Variants in ANGPT4 observed in about 807,000 individuals in gnomAD.
The protein encoded by ANGPT4 is angiopoietin-4.
A neutral mutation model predicts 53.0 loss-of-function variants in ANGPT4; 50 were observed. The ratio of observed to expected loss-of-function variants is 0.94; its 90% confidence interval spans 0.75 to 1.20. The LOEUF is 1.20. ANGPT4 is among the 50% of genes most tolerant of loss of function. The pLI is 0.00. For missense variants in ANGPT4, 648 were observed against 637.1 expected (o/e 1.02, Z -0.18); for synonymous variants, 251 against 259.7 (o/e 0.97, Z 0.32).
At chr20:877,317 T>C (rs1319873052) in intron 7 of ANGPT4, among the ~76,000 whole-genome samples, 1 of 152,192 alleles carries the variant, frequency 6.6e-6, no homozygotes, top group Non-Finnish European at 1.5e-5. Context: ...CCTGTGAGTG[T>C]GAATCCTGGT....
chr20:876,963 C>T (rs1981194408), intron 7 of ANGPT4, among the ~76,000 whole-genome samples: 1 of 152,174 alleles, frequency 6.6e-6, no homozygotes, highest in African/African-American at 2.4e-5. Flanking sequence ...GGGAAGGTCA[C>T]TGGAGCCTGG....
intron 1 of ANGPT4, among the ~76,000 whole-genome samples, chr20:903,880 G>C (rs903001848): frequency 1.3e-5 from 2 of 152,292 alleles, no homozygotes; most frequent in Admixed American, 1.3e-4. Context: ...AAGACTTAGT[G>C]AGGGGGAGAC....
intron 1 of ANGPT4, among the ~76,000 whole-genome samples, chr20:901,173 A>G (rs988204074): frequency 2.6e-5 from 4 of 152,116 alleles, no homozygotes; most frequent in African/African-American, 7.2e-5. Context: ...TTTTGTCCCA[A>G]CACTTCACCA....
At chr20:899,606 C>T (rs906750067) in intron 1 of ANGPT4, among the ~76,000 whole-genome samples, 2 of 152,076 alleles carry the variant, frequency 1.3e-5, no homozygotes, top group African/African-American at 4.8e-5. Context: ...CTGCCCAGTA[C>T]CCTTATTAGG....
In ANGPT4 at chr20:911,794, G is replaced by C. The variant is rs1290080303; in HGVS notation, c.309+4112C>G. On this transcript the variant is annotated intron_variant, in intron 1 of 8. Transcript: ENST00000381922. This position sits in a 1 kb window ranked among gnomAD's most constrained non-coding sequence, Gnocchi z 4.9. ...TGCACCATTGCACCCCAGTGTGGTTGAGAGAGTCAGACCTTGTCTTTAGGA... is the reference window on the plus strand; with the variant it reads ...TGCACCATTGCACCCCAGTGTGGTTCAGAGAGTCAGACCTTGTCTTTAGGA... Among the ~76,000 whole-genome samples, 1 of 152,060 alleles carries C rather than the reference G, an allele frequency of 6.6e-6. No homozygotes were observed. Among genetic ancestry groups the C allele is most frequent in the Non-Finnish European group, 1.5e-5 (1 of 68,008 alleles).
intron 1 of ANGPT4, among the ~76,000 whole-genome samples, chr20:895,511 GC>G (rs1600056381): frequency 6.6e-6 from 1 of 152,122 alleles, no homozygotes; most frequent in East Asian, 1.9e-4. Context: ...GAGGGCATTT[GC>G]AAAGGGTCTT....
At chr20:900,060 A>G (rs541958094) in intron 1 of ANGPT4, among the ~76,000 whole-genome samples, 5 of 152,322 alleles carry the variant, frequency 3.3e-5, no homozygotes, top group African/African-American at 7.2e-5. Flanking sequence ...TCACAGGCCC[A>G]TTCCATTCTA....
At chr20:888,560 C>G (rs1600051693) in intron 2 of ANGPT4, 121 bp from the exon 3 acceptor site, 1 of 1,453,206 alleles carries the variant, frequency 6.9e-7, no homozygotes, top group South Asian at 1.4e-5. Context: ...CTCTCCCAGT[C>G]GTAGTTCCTG....
chr20:874,154 G>C, intron 8 of ANGPT4, 130 bp downstream of exon 8: 1 of 1,385,960 alleles, frequency 7.2e-7, no homozygotes. Context: ...GAGCTTATGG[G>C]TGGGCAAGGC....
intron 2 of ANGPT4, among the ~76,000 whole-genome samples, chr20:889,404 A>G (rs1257104961): frequency 6.6e-6 from 1 of 152,220 alleles, no homozygotes; most frequent in Non-Finnish European, 1.5e-5. Context: ...GAGACAGCCT[A>G]TTGCTCCTAA....
At chr20:903,614 C>T (rs1982368011) in intron 1 of ANGPT4, among the ~76,000 whole-genome samples, 1 of 152,222 alleles carries the variant, frequency 6.6e-6, no homozygotes, top group Admixed American at 6.5e-5. Flanking sequence ...TTGCAGATTC[C>T]TTTAGTGAAG....
At chr20:909,383 G>A (rs564535484) in intron 1 of ANGPT4, among the ~76,000 whole-genome samples, 28 of 152,306 alleles carry the variant, frequency 1.8e-4, no homozygotes, top group African/African-American at 5.8e-4. Flanking sequence ...AAACCCAGGC[G>A]ATGTGTGTAT....
At chr20:915,555 T>C (rs1029040604) in intron 1 of ANGPT4, among the ~76,000 whole-genome samples, 23 of 152,174 alleles carry the variant, frequency 1.5e-4, no homozygotes, top group Non-Finnish European at 3.2e-4. Flanking sequence ...TGCTTCACCA[T>C]CTGACATAGT....
At chr20:884,285 T>C (rs576298827) in intron 4 of ANGPT4, among the ~76,000 whole-genome samples, 1 of 152,382 alleles carries the variant, frequency 6.6e-6, no homozygotes, top group African/African-American at 2.4e-5. Context: ...GCTGAGCATC[T>C]GGCACATATT....
chr20:907,648 C>T (rs1233842769), intron 1 of ANGPT4, among the ~76,000 whole-genome samples: 1 of 152,196 alleles, frequency 6.6e-6, no homozygotes, highest in Non-Finnish European at 1.5e-5. Context: ...ACCTATTTTA[C>T]AGACGAGGCA....
At chr20:909,984 G>T (rs536856760) in intron 1 of ANGPT4, among the ~76,000 whole-genome samples, 1 of 152,334 alleles carries the variant, frequency 6.6e-6, no homozygotes, top group African/African-American at 2.4e-5. Flanking sequence ...AAATCTAGTA[G>T]CTATGGATCT....
chr20:902,507 AT>A (rs1211898644), intron 1 of ANGPT4, among the ~76,000 whole-genome samples: 1 of 152,178 alleles, frequency 6.6e-6, no homozygotes, highest in Non-Finnish European at 1.5e-5. Flanking sequence ...GATTGCGGAT[AT>A]CTACGACACA....
chr20:873,024 T>A lies in ANGPT4; in HGVS notation c.1448A>T (p.Tyr483Phe). The change falls in exon 9 of 9, where the codon TAC becomes TTC. Residue 483 changes from tyrosine (Y) to phenylalanine (F), a missense_variant. Transcript: ENST00000381922. ...KYKMDGIRWH[Y>F]FKGPSYSLRA... Reference sequence around the variant, plus strand: ...CAGTGAGTAGCTGGGGCCCTTGAAGTAGTGCCAGCGGATGCCGTCCATCTT... The same window carrying A: ...CAGTGAGTAGCTGGGGCCCTTGAAGAAGTGCCAGCGGATGCCGTCCATCTT... 6.2e-7 allele frequency: 1 copy of A among 1,614,038 alleles called. No homozygotes were observed. Among genetic ancestry groups the A allele is most frequent in the African/African-American group, 1.3e-5 (1 of 75,020 alleles).
rs747895360 is a variant in ANGPT4 at position 879,771 on chromosome 20, C to T, written c.1029G>A (p.Gln343=). The T allele has an allele frequency of 6.2e-6, 10 of 1,613,702 alleles. No homozygotes were observed. Among genetic ancestry groups the T allele is most frequent in the East Asian group, 4.5e-5 (2 of 44,842 alleles). The change falls in exon 6 of 9, where the codon CAG becomes CAA. Residue 343 remains glutamine, a synonymous_variant. Transcript: ENST00000381922. ...CCTGTTTGTAATCCTTCCAGTTCCG[C>T]TGAAAATTCACGGTGCCATTCTCAC... The part of the protein sequence containing the change: ...QRRENGTVNF[Q]RNWKDYKQGF...
Sources: allele counts gnomAD v4.1 joint callset (sites outside exome capture counted in the v4.1 genomes callset), GRCh38; gene constraint gnomAD v4.1.1; non-coding constraint Gnocchi (gnomAD v3.1); transcripts MANE v1.5; gene names NCBI Gene and HGNC (gene_info 2026-07-23, HGNC 2026-07-21).